OSGIN2: variants seen among roughly 807,000 people sequenced by gnomAD.
The protein encoded by OSGIN2 is oxidative stress induced growth inhibitor family member 2.
OSGIN2 carries 19 observed loss-of-function variants against 53.8 expected under a neutral mutation model. The ratio of observed to expected loss-of-function variants is 0.35; its 90% CI spans 0.25 to 0.52. OSGIN2 has a LOEUF of 0.52. Ranked by LOEUF, OSGIN2 falls within the 20% of genes least tolerant of loss-of-function variation. The pLI is 0.95. For missense variants in OSGIN2, 520 were observed against 662.7 expected, an observed-to-expected ratio of 0.78 and a Z score of 2.36; for synonymous variants, 236 against 236.0, an observed-to-expected ratio of 1.00 and a Z score of 0.00.
At chr8:89,909,150 C>T (rs565301557) in intron 1 of OSGIN2, among the ~76,000 whole-genome samples, 11 of 147,586 alleles carry the variant, frequency 7.5e-5, no homozygotes, top group Non-Finnish European at 1.3e-4. Context: ...TATATAAATA[C>T]CGTAACTTTT....
At chr8:89,904,866 A>G (rs558898282) in intron 1 of OSGIN2, among the ~76,000 whole-genome samples, 25 of 152,344 alleles carry the variant, frequency 1.6e-4, no homozygotes, top group Admixed American at 1.4e-3. Flanking sequence ...TGTGACATCT[A>G]TTGTCTAACA....
chr8:89,903,749 C>CT (rs1289787459), intron 1 of OSGIN2, among the ~76,000 whole-genome samples: 3 of 152,126 alleles, frequency 2.0e-5, no homozygotes, highest in Admixed American at 1.3e-4. Context: ...TGACTGTCAT[C>CT]AGTAGAGATC....
rs144798457 is a variant in OSGIN2 at position 89,907,906 on chromosome 8, A to G, written c.45-1661A>G. On this transcript the variant is annotated intron_variant, in intron 1 of 5. Transcript: ENST00000451899. The stretch of plus-strand genomic sequence containing the variant: ...ATACTGATTCTTCCTACACATGAAT[A>G]TGGAATGTTTTCCCATTCCCGTCGC... 3.0e-4 allele frequency among the ~76,000 whole-genome samples: 45 copies of G among 152,306 alleles called. No homozygotes were observed. The East Asian group carries it at 7.5e-3, about 25-fold the overall frequency.
chr8:89,917,345 T>C (rs1809100969), intron 4 of OSGIN2, among the ~76,000 whole-genome samples: 1 of 152,232 alleles, frequency 6.6e-6, no homozygotes, highest in South Asian at 2.1e-4. Context: ...ACACTATAGA[T>C]AATCTTTGAA....
chr8:89,923,146 C>T (rs1466043858), intron 5 of OSGIN2, among the ~76,000 whole-genome samples: 2 of 152,060 alleles, frequency 1.3e-5, no homozygotes, highest in African/African-American at 2.4e-5. Context: ...CTAAGGTACA[C>T]TTTATAAACA....
intron 2 of OSGIN2, among the ~76,000 whole-genome samples, chr8:89,913,688 A>T (rs768093623): frequency 3.9e-5 from 6 of 152,162 alleles, no homozygotes; most frequent in African/African-American, 1.4e-4. Context: ...TTGAGATAGG[A>T]TAGGGTTTGA....
chr8:89,912,514 G>T (rs999251653), intron 2 of OSGIN2, among the ~76,000 whole-genome samples: 2 of 152,118 alleles, frequency 1.3e-5, no homozygotes, highest in African/African-American at 4.8e-5. Context: ...CCAGCACTTG[G>T]GGAGGCTGTG....
Position 89,919,252 on chromosome 8 carries a change from T to C in OSGIN2, c.529-1828T>C, listed in dbSNP as rs180942233. Among the ~76,000 whole-genome samples the C allele has an allele frequency of 3.3e-3, 500 of 152,288 alleles. 2 individuals carry two copies. Among genetic ancestry groups the C allele is most frequent in the Non-Finnish European group, 4.5e-3 (307 of 68,022 alleles). On this transcript the variant is annotated intron_variant, in intron 4 of 5. Transcript: ENST00000451899. ...ACAGGACTCAGTAAAGATGGTGTACTTGTGGTTAAATTTTACTATAGTGAA... is the reference window on the plus strand; with the variant it reads ...ACAGGACTCAGTAAAGATGGTGTACCTGTGGTTAAATTTTACTATAGTGAA...
chr8:89,907,176 T>C (rs1039117762), intron 1 of OSGIN2, among the ~76,000 whole-genome samples: 1 of 152,208 alleles, frequency 6.6e-6, no homozygotes, highest in African/African-American at 2.4e-5. Context: ...GTTGGATGCA[T>C]AGTTTGCAAA....
chr8:89,903,188 A>G (rs1211929008), intron 1 of OSGIN2, among the ~76,000 whole-genome samples: 1 of 152,208 alleles, frequency 6.6e-6, no homozygotes, highest in Non-Finnish European at 1.5e-5. Context: ...AAAAAAAATT[A>G]TTTCTTAAAA....
In OSGIN2 at chr8:89,902,588, T is replaced by A. The variant is rs559978491; in HGVS notation, c.-206T>A. The A allele has an allele frequency of 4.0e-3, 619 of 154,100 alleles. 4 individuals are homozygous for A. Among genetic ancestry groups the A allele is most frequent in the African/African-American group, 0.014 (582 of 41,456 alleles). The allele number at this position is 154,100 out of a possible 1,614,324, so 9.5% of individuals were successfully genotyped here. On this transcript the variant is annotated 5_prime_UTR_variant, in exon 1 of 6. Transcript: ENST00000451899. ...CACCCGCCTCCGGCGCCTGGCTCCC[T>A]GCAGGCGAGGAGCGGAAGCCGCTAT...
chr8:89,913,577 G>T (rs537270107), intron 2 of OSGIN2, among the ~76,000 whole-genome samples: 2 of 152,322 alleles, frequency 1.3e-5, no homozygotes, highest in East Asian at 3.9e-4. Flanking sequence ...TTTAGGTGAA[G>T]TACAGGAATG....
At chr8:89,909,064 ATAATG>A in intron 1 of OSGIN2, among the ~76,000 whole-genome samples, 1 of 141,256 alleles carries the variant, frequency 7.1e-6, no homozygotes, top group African/African-American at 2.7e-5. Flanking sequence ...ATATATATAT[ATAATG>A]TATATGTAGT....
chr8:89,917,821 G>C (rs759286259), intron 4 of OSGIN2, among the ~76,000 whole-genome samples: 16 of 151,780 alleles, frequency 1.1e-4, no homozygotes, highest in Non-Finnish European at 2.2e-4. Flanking sequence ...TTACTACTAA[G>C]GCTCACCTTC....
rs574124160 is a variant in OSGIN2 at position 89,926,306 on chromosome 8, C to G, written c.*774C>G. The G allele has an allele frequency of 6.6e-6, 1 of 152,652 alleles. No individual in the cohort carries two copies. Among genetic ancestry groups the G allele is most frequent in the South Asian group, 2.1e-4 (1 of 4,822 alleles). The allele number at this position is 152,652 out of a possible 1,614,324, so 9.5% of individuals were successfully genotyped here. On this transcript the variant is annotated 3_prime_UTR_variant, in exon 6 of 6. Transcript: ENST00000451899. ...ATACACTTTGACATCCAAGAACTCA[C>G]CAAGATGTTTTTCAGAGATTTATTC...
At chr8:89,906,569 G>C (rs1325078951) in intron 1 of OSGIN2, among the ~76,000 whole-genome samples, 2 of 151,760 alleles carry the variant, frequency 1.3e-5, no homozygotes, top group African/African-American at 4.9e-5. Context: ...CTAAGGATAA[G>C]GGCCTCCAGC....
intron 1 of OSGIN2, among the ~76,000 whole-genome samples, chr8:89,903,824 T>C (rs756132016): frequency 1.3e-5 from 2 of 152,256 alleles, no homozygotes; most frequent in South Asian, 4.1e-4. Flanking sequence ...TTCAAAATTA[T>C]AGTAACACAT....
Position 89,902,771 on chromosome 8 carries a change from G to GGGCGCCCCTCGCGCAGCGCTCC in OSGIN2, c.-22_-1dup. 1 of 1,233,490 alleles carries GGGCGCCCCTCGCGCAGCGCTCC rather than the reference G, an allele frequency of 8.1e-7. No homozygotes were observed. Among genetic ancestry groups the GGGCGCCCCTCGCGCAGCGCTCC allele is most frequent in the Non-Finnish European group, 1.0e-6 (1 of 979,614 alleles). The allele number at this position is 1,233,490 out of a possible 1,614,324, so 76.4% of individuals were successfully genotyped here. ...GGAGGCGGCCACGGCGGCCGCGCTC[G>GGGCGCCCCTCGCGCAGCGCTCC]GGCGCCCCTCGCGCAGCGCTCCATG... On this transcript the variant is annotated 5_prime_UTR_variant, in exon 1 of 6. Coordinates refer to ENST00000451899, the MANE Select transcript of OSGIN2 (RefSeq NM_001126111.3).
At chr8:89,910,397 G>A (rs1808943305) in intron 2 of OSGIN2, among the ~76,000 whole-genome samples, 1 of 152,172 alleles carries the variant, frequency 6.6e-6, no homozygotes, top group African/African-American at 2.4e-5. Flanking sequence ...AAGGAATATA[G>A]TGTGAAGCTA....
Sources: allele counts gnomAD v4.1 joint callset (sites outside exome capture counted in the v4.1 genomes callset), GRCh38; gene constraint gnomAD v4.1.1; transcripts MANE v1.5; gene names NCBI Gene and HGNC (gene_info 2026-07-23, HGNC 2026-07-21).